LINGO2: variants seen among roughly 807,000 people sequenced by gnomAD.
LINGO2 encodes the protein leucine-rich repeat and immunoglobulin-like domain-containing nogo receptor-interacting protein 2.
Under a neutral mutation model 30.6 loss-of-function variants are expected in LINGO2, and 14 were observed. That is an observed-to-expected ratio of 0.46 (90% CI 0.30 to 0.72). The LOEUF is 0.72. Ranked by LOEUF, LINGO2 falls within the 30% of genes least tolerant of loss-of-function variation. The pLI, the probability that LINGO2 is intolerant of heterozygous loss-of-function variation, is 0.07. For synonymous variants in LINGO2, 317 were observed against 288.5 expected (o/e 1.10, Z -1.00); for missense variants, 729 against 751.7 (o/e 0.97, Z 0.35).
the LINGO2 span, among the ~76,000 whole-genome samples, chr9:29,183,027 C>A: frequency 1.7e-3 from 263 of 152,182 alleles, 3 homozygotes; most frequent in Middle Eastern, 0.024. Flanking sequence ...GGGCAAAAAA[C>A]AATGCAAAAT....
At chr9:28,780,346 A>AT in the LINGO2 span, among the ~76,000 whole-genome samples, 1 of 151,390 alleles carries the variant, frequency 6.6e-6, no homozygotes, top group Non-Finnish European at 1.5e-5. Context: ...TGTGAGTAAA[A>AT]TTTTTTTTTT....
In LINGO2 at chr9:28,480,188, C is replaced by T. The variant is rs192928749; in HGVS notation, c.-364-4163G>A. Among the ~76,000 whole-genome samples the T allele has an allele frequency of 4.3e-3, 656 of 151,228 alleles. 4 individuals are homozygous for T. Among genetic ancestry groups the T allele is most frequent in the African/African-American group, 0.015 (624 of 41,270 alleles). ...AACACAGGAAAGACAAGGTATTTGC[C>T]CAATGGGTTAGTATGGCTCTTTTCT... On this transcript the variant is annotated intron_variant, in intron 1 of 5. Transcript: ENST00000379992.
At chr9:28,223,807 C>T (rs1821049010) in intron 4 of LINGO2, among the ~76,000 whole-genome samples, 1 of 152,072 alleles carries the variant, frequency 6.6e-6, no homozygotes, top group Admixed American at 6.6e-5. Context: ...CAAATATGGC[C>T]ATGCTTTTTA....
chr9:29,149,618 G>A, the LINGO2 span, among the ~76,000 whole-genome samples: 37,438 of 151,690 alleles, frequency 0.25, 4,805 homozygotes, highest in East Asian at 0.44. Context: ...GTGAGTGAAG[G>A]GATAGCAGGG....
At chr9:28,928,288 C>A in the LINGO2 span, among the ~76,000 whole-genome samples, 3 of 152,108 alleles carry the variant, frequency 2.0e-5, no homozygotes, top group African/African-American at 7.2e-5. Context: ...TATACACATG[C>A]AAAGGTAATA....
chr9:28,700,813 G>A, the LINGO2 span, among the ~76,000 whole-genome samples: 2 of 152,032 alleles, frequency 1.3e-5, no homozygotes, highest in Admixed American at 1.3e-4. Context: ...ACCAGCATTT[G>A]GTGTTGTCAC....
intron 3 of LINGO2, among the ~76,000 whole-genome samples, chr9:28,324,135 GAAGC>G (rs1825142387): frequency 6.6e-6 from 1 of 152,148 alleles, no homozygotes; most frequent in African/African-American, 2.4e-5. Flanking sequence ...GATTAACCAT[GAAGC>G]AAGCAAGTTT....
intron 4 of LINGO2, among the ~76,000 whole-genome samples, chr9:28,208,797 C>T (rs1191749938): frequency 6.6e-6 from 1 of 151,930 alleles, no homozygotes; most frequent in Non-Finnish European, 1.5e-5. Context: ...GGGGGATCTG[C>T]ACCTTTAATA....
At chr9:28,801,868 T>C in the LINGO2 span, among the ~76,000 whole-genome samples, 1 of 152,070 alleles carries the variant, frequency 6.6e-6, no homozygotes, top group Non-Finnish European at 1.5e-5. Flanking sequence ...AGAATATGTA[T>C]TAATTTTTAC....
chr9:28,374,206 T>TATATATATATATATATATATA (rs1554713022), intron 2 of LINGO2, among the ~76,000 whole-genome samples: 2 of 109,894 alleles, frequency 1.8e-5, no homozygotes, highest in East Asian at 5.9e-4. Context: ...AAATATGTTT[T>TATATATATATATATATATATA]TATTTATATA....
In LINGO2 at chr9:28,433,949, C is replaced by CTATATATATATATATATATA. The variant is rs375073572; in HGVS notation, c.-279+41990_-279+41991insTATATATATATATATATATA. ...TCTCTCTCTCTCTCTCTCTCTCTCT[C>CTATATATATATATATATATA]TATATATATATATATATACACACAC... On this transcript the variant is annotated intron_variant, in intron 2 of 5. Transcript: ENST00000379992. Among the ~76,000 whole-genome samples the CTATATATATATATATATATA allele has an allele frequency of 1.2e-3, 107 of 88,484 alleles. 2 individuals carry two copies. Among genetic ancestry groups the CTATATATATATATATATATA allele is most frequent in the African/African-American group, 4.7e-3 (104 of 22,274 alleles). The allele number at this position is 88,484 out of a possible 152,430, so 58.0% of individuals were successfully genotyped here.
At chr9:28,033,547 AAAGTAAACACACCAAAATGTCAATT>A (rs1486011423) in intron 4 of LINGO2, among the ~76,000 whole-genome samples, 22 of 152,324 alleles carry the variant, frequency 1.4e-4, no homozygotes, top group African/African-American at 5.3e-4. Context: ...AGGCTACTGG[AAAGTAAACACACCAAAATGTCAATT>A]AGGTAATTTC....
chr9:28,027,057 TAAC>T (rs1248830617), intron 4 of LINGO2, among the ~76,000 whole-genome samples: 4 of 152,194 alleles, frequency 2.6e-5, no homozygotes, highest in South Asian at 2.1e-4. Context: ...CTCATTCACT[TAAC>T]AAACTTGACC....
At chr9:28,531,735 A>T (rs1013332405) in intron 1 of LINGO2, among the ~76,000 whole-genome samples, 3 of 152,052 alleles carry the variant, frequency 2.0e-5, no homozygotes, top group African/African-American at 7.2e-5. Context: ...AATAAACAAC[A>T]CGGATTTTGC....
At chr9:29,106,427 TTAC>T in the LINGO2 span, among the ~76,000 whole-genome samples, 21 of 152,272 alleles carry the variant, frequency 1.4e-4, no homozygotes, top group South Asian at 3.3e-3. Flanking sequence ...AGAAATCATG[TTAC>T]TACCTCATTT....
chr9:28,955,623 T>C, the LINGO2 span, among the ~76,000 whole-genome samples: 4 of 152,072 alleles, frequency 2.6e-5, no homozygotes, highest in East Asian at 1.9e-4. Flanking sequence ...GTGAGAGATG[T>C]AGTGTAAGTG....
the LINGO2 span, among the ~76,000 whole-genome samples, chr9:28,777,925 T>C: frequency 1.3e-5 from 2 of 152,198 alleles, no homozygotes; most frequent in African/African-American, 4.8e-5. Flanking sequence ...GCACATCCCA[T>C]AGTTCCTTCT....
chr9:28,231,514 C>T (rs939049962), intron 4 of LINGO2, among the ~76,000 whole-genome samples: 7 of 152,088 alleles, frequency 4.6e-5, no homozygotes, highest in African/African-American at 1.7e-4. Context: ...ATCACATTAA[C>T]TTCTACAATT....
chr9:28,878,203 C>T, the LINGO2 span, among the ~76,000 whole-genome samples: 1 of 152,084 alleles, frequency 6.6e-6, no homozygotes, highest in African/African-American at 2.4e-5. Context: ...GAGAATACTA[C>T]AAACACCTCT....
Sources: allele counts gnomAD v4.1 joint callset (sites outside exome capture counted in the v4.1 genomes callset), GRCh38; gene constraint gnomAD v4.1.1; transcripts MANE v1.5; gene names NCBI Gene and HGNC (gene_info 2026-07-23, HGNC 2026-07-21).